The following DNAH11 variants were observed in gnomAD, a reference collection of about 807,000 sequenced individuals.
DNAH11 encodes axonemal beta dynein heavy chain 11.
DNAH11 carries 442 observed loss-of-function variants against 526.0 expected under a neutral mutation model. That is an observed-to-expected ratio of 0.84 (90% CI 0.78 to 0.91). The LOEUF (loss-of-function observed/expected upper bound fraction) is 0.91. Among genes scored for constraint, DNAH11 ranks in the 40% least tolerant of loss-of-function variants. The pLI is 0.00. For missense variants in DNAH11, 6,989 were observed against 5,448.7 expected, an observed-to-expected ratio of 1.28 and a Z score of -8.90; for synonymous variants, 2,461 against 1,935.9, an observed-to-expected ratio of 1.27 and a Z score of -7.12.
intron 42 of DNAH11, among the ~76,000 whole-genome samples, chr7:21,714,612 CGTAA>C (rs1227339042): frequency 6.6e-6 from 1 of 152,108 alleles, no homozygotes; most frequent in Non-Finnish European, 1.5e-5. Flanking sequence ...AAGCGAATCT[CGTAA>C]GTCTCAGTTT....
chr7:21,838,433 G>A (rs1163752391), intron 65 of DNAH11, among the ~76,000 whole-genome samples: 6 of 152,158 alleles, frequency 3.9e-5, no homozygotes, highest in East Asian at 3.9e-4. Flanking sequence ...GTGTAATTCA[G>A]TGGTTTTTAG....
At chr7:21,853,052 C>A (rs1248988729) in intron 67 of DNAH11, among the ~76,000 whole-genome samples, 1 of 152,134 alleles carries the variant, frequency 6.6e-6, no homozygotes, top group East Asian at 1.9e-4. Context: ...ACAGGCCTGC[C>A]GTGGCAGGAT....
In DNAH11 at chr7:21,712,979, T is replaced by G. The variant is rs570558274; in HGVS notation, c.6983+1119T>G. Among the ~76,000 whole-genome samples the G allele has an allele frequency of 2.6e-5, 4 of 152,304 alleles. No individual in the cohort carries two copies. In the East Asian group the frequency reaches 7.7e-4, roughly 29 times the overall value. ...AACAATGAAAGCTTATATGGAACAC[T>G]TACATAAAAAGAAATCACTTAGGTT... On this transcript the variant is annotated intron_variant, in intron 42 of 81. Coordinates refer to ENST00000409508, the MANE Select transcript of DNAH11 (RefSeq NM_001277115.2).
chr7:21,828,005 G>A (rs1325510450), intron 65 of DNAH11, among the ~76,000 whole-genome samples: 2 of 151,386 alleles, frequency 1.3e-5, no homozygotes, highest in Non-Finnish European at 2.9e-5. Flanking sequence ...CTGGAGTGCC[G>A]TGGTGTAATC....
At position 21,704,566 on chromosome 7, in the gene DNAH11, C is replaced by T. The variant is rs1261633400; in HGVS notation, c.6406C>T (p.Gln2136Ter). 55 of 1,613,678 alleles carry T rather than the reference C, an allele frequency of 3.4e-5. No individual in the cohort carries two copies. The highest frequency in any genetic ancestry group is 4.7e-5 in the Non-Finnish European group (55 of 1,179,822). ...CCGGAGGAGGAAGCTGCACTTTGAACAGATGGTCAGGCAGTCTACCCTGGA... is the reference window on the plus strand; with the variant it reads ...CCGGAGGAGGAAGCTGCACTTTGAATAGATGGTCAGGCAGTCTACCCTGGA... ...VPRRRKLHFE[Q>*]MVRQSTLELR... is the part of the protein sequence containing the mutation. Residue 2136 changes from glutamine (Q) to a stop codon, truncating the protein, a stop_gained, in exon 38 of 82, where the codon CAG becomes TAG. Coordinates refer to ENST00000409508, the MANE Select transcript of DNAH11 (RefSeq NM_001277115.2). LOFTEE classifies it high-confidence loss of function.
intron 5 of DNAH11, 139 bp from the exon 6 acceptor site, chr7:21,564,047 T>TCG: frequency 1.8e-6 from 1 of 554,624 alleles, no homozygotes; most frequent in Non-Finnish European, 3.0e-6. Context: ...GATTGTAGGA[T>TCG]AAGTAATATA....
intron 62 of DNAH11, among the ~76,000 whole-genome samples, chr7:21,804,131 C>T (rs902506021): frequency 9.6e-5 from 14 of 146,178 alleles, no homozygotes; most frequent in Non-Finnish European, 1.6e-4. Flanking sequence ...TGTTTTGAGA[C>T]GGAGTCTTGC....
intron 20 of DNAH11, among the ~76,000 whole-genome samples, chr7:21,609,902 G>T (rs1264942021): frequency 1.3e-5 from 2 of 152,210 alleles, no homozygotes; most frequent in African/African-American, 4.8e-5. Context: ...TCTGCAGCCT[G>T]CAAAGGAAGC....
intron 62 of DNAH11, among the ~76,000 whole-genome samples, chr7:21,802,707 C>T (rs941506322): frequency 3.3e-5 from 5 of 151,896 alleles, no homozygotes; most frequent in African/African-American, 1.2e-4. Flanking sequence ...AAGCCAGACA[C>T]AAAAGGCCAC....
At chr7:21,769,909 C>T (rs1406312450) in intron 55 of DNAH11, among the ~76,000 whole-genome samples, 1 of 152,148 alleles carries the variant, frequency 6.6e-6, no homozygotes, top group African/African-American at 2.4e-5. Context: ...TTGTTGGCTT[C>T]TGCTGGACTT....
intron 68 of DNAH11, among the ~76,000 whole-genome samples, chr7:21,855,871 C>T (rs962030550): frequency 1.3e-5 from 2 of 152,028 alleles, no homozygotes; most frequent in African/African-American, 4.8e-5. Flanking sequence ...TATGATCATA[C>T]ATTTGTTTAT....
intron 75 of DNAH11, 126 bp from the exon 76 acceptor site, chr7:21,884,165 A>C (rs1006387801): frequency 2.4e-5 from 17 of 720,918 alleles, no homozygotes; most frequent in African/African-American, 2.3e-4. Context: ...TTTCTGAAGC[A>C]CCTTTAAATC....
At chr7:21,606,370 G>C (rs916343759) in intron 18 of DNAH11, 56 bp from the exon 19 acceptor site, 9 of 1,335,918 alleles carry the variant, frequency 6.7e-6, no homozygotes, top group Non-Finnish European at 9.4e-6. Flanking sequence ...AATCCTATAG[G>C]GTTGATTTGT....
chr7:21,804,876 T>C (rs1453768482), intron 62 of DNAH11, among the ~76,000 whole-genome samples: 1 of 152,184 alleles, frequency 6.6e-6, no homozygotes, highest in Non-Finnish European at 1.5e-5. Context: ...TCACTCAAAG[T>C]CCAGCCTAAA....
At chr7:21,859,624 A>G (rs551683943) in intron 68 of DNAH11, among the ~76,000 whole-genome samples, 1 of 152,158 alleles carries the variant, frequency 6.6e-6, no homozygotes, top group Non-Finnish European at 1.5e-5. Flanking sequence ...CTTTCACTCA[A>G]ATATACATAC....
chr7:21,681,095 C>A (rs62445275), intron 30 of DNAH11, among the ~76,000 whole-genome samples: 24,627 of 152,036 alleles, frequency 0.16, 2,529 homozygotes, highest in Non-Finnish European at 0.22. Flanking sequence ...GATTTCTACA[C>A]CAAGGTTCTT....
chr7:21,739,619 T>C lies in DNAH11; in HGVS notation c.7860T>C (p.Tyr2620=). Reference sequence around the variant, plus strand: ...TTAAAGAAATCCATAACTGCCAGTATGTCGCCTGCATGAATCCGATGGTGG... The same window carrying C: ...TTAAAGAAATCCATAACTGCCAGTACGTCGCCTGCATGAATCCGATGGTGG... The part of the protein sequence containing the change: ...VMLKEIHNCQ[Y]VACMNPMVGS... Residue 2620 remains tyrosine, a synonymous_variant, in exon 48 of 82, where the codon TAT becomes TAC. Coordinates refer to ENST00000409508, the MANE Select transcript of DNAH11 (RefSeq NM_001277115.2). 1 of 1,613,102 alleles carries C rather than the reference T, an allele frequency of 6.2e-7. No homozygotes were observed. The highest frequency in any genetic ancestry group is 2.2e-5 in the East Asian group (1 of 44,860).
At chr7:21,707,617 G>A (rs920512527) in intron 39 of DNAH11, 82 bp from the exon 40 acceptor site, 41 of 1,498,120 alleles carry the variant, frequency 2.7e-5, no homozygotes, top group East Asian at 7.1e-5. Context: ...TAATGAATAC[G>A]GAAAACTCTT....
Position 21,796,413 on chromosome 7 carries a change from G to C in DNAH11, c.10027-4724G>C, listed in dbSNP as rs529417957. Among the ~76,000 whole-genome samples the C allele has an allele frequency of 3.3e-5, 5 of 152,252 alleles. No homozygotes were observed. The South Asian group carries it at 1.0e-3, about 32-fold the overall frequency. ...GATAGCTGTGGGCCAATGAACAAAG[G>C]GGAAGAGACTGGAAGCAGAATGAAC... On this transcript the variant is annotated intron_variant, in intron 61 of 81. Coordinates refer to ENST00000409508, the MANE Select transcript of DNAH11 (RefSeq NM_001277115.2).
Sources: gnomAD v4.1 joint callset for allele counts (sites outside exome capture counted in the v4.1 genomes callset) on GRCh38, gnomAD v4.1.1 for gene constraint, MANE v1.5 for transcripts, NCBI Gene and HGNC (gene_info 2026-07-23, HGNC 2026-07-21) for gene names.